The following SNX18 variants were observed in gnomAD, a reference collection of about 807,000 sequenced individuals.
SNX18 encodes the protein sorting nexin 18, also known as sorting nexin-18.
Under a neutral mutation model 48.7 loss-of-function variants are expected in SNX18, and 35 were observed. The observed-to-expected ratio is 0.72, with a 90% CI of 0.55 to 0.95. The LOEUF (loss-of-function observed/expected upper bound fraction) is 0.95, where lower values mean the gene tolerates loss of function less well. SNX18 is among the 40% of genes least tolerant of loss of function. The pLI, the probability that SNX18 is intolerant of heterozygous loss-of-function variation, is 0.00. For missense variants in SNX18, 824 were observed against 871.0 expected, an observed-to-expected ratio of 0.95 and a Z score of 0.68; for synonymous variants, 492 against 384.7, an observed-to-expected ratio of 1.28 and a Z score of -3.26.
Position 54,517,926 on chromosome 5 carries a change from G to T in SNX18, c.-27G>T, listed in dbSNP as rs1345786483. 2 of 1,487,230 alleles carry T rather than the reference G, an allele frequency of 1.3e-6. No homozygotes were observed. Among genetic ancestry groups the T allele is most frequent in the Non-Finnish European group, 1.8e-6 (2 of 1,123,402 alleles). 92.1% of individuals were successfully genotyped at this position (1,487,230 alleles called of 1,614,324 possible). A position where few individuals can be genotyped will look rare whatever the true frequency, so the allele number is the denominator to read the frequency against. On this transcript the variant is annotated 5_prime_UTR_variant, in exon 1 of 2. Coordinates refer to ENST00000381410, the MANE Select transcript of SNX18 (RefSeq NM_001102575.2). ...GCCTCGGCTCGGGACGCCGGGAGTCGGGACCGCCAGTCGGGGCGCCGGGAC... is the reference window on the plus strand; with the variant it reads ...GCCTCGGCTCGGGACGCCGGGAGTCTGGACCGCCAGTCGGGGCGCCGGGAC...
At chr5:54,621,017 A>G in the SNX18 span, among the ~76,000 whole-genome samples, 8 of 152,332 alleles carry the variant, frequency 5.3e-5, no homozygotes, top group African/African-American at 1.9e-4. Flanking sequence ...AGTTCAGTCC[A>G]TAACAGTTGG....
At chr5:54,556,409 C>T in the SNX18 span, among the ~76,000 whole-genome samples, 1 of 152,186 alleles carries the variant, frequency 6.6e-6, no homozygotes, top group East Asian at 1.9e-4. Flanking sequence ...GGCTCCCCTC[C>T]ATCTTTAAAG....
At chr5:54,530,744 A>ATTTTTTTTTTTTTTTTTTTTTTTTT (rs70986692) in intron 1 of SNX18, among the ~76,000 whole-genome samples, 2 of 72,520 alleles carry the variant, frequency 2.8e-5, no homozygotes, top group Admixed American at 2.1e-4. Flanking sequence ...AACCACAGAA[A>ATTTTTTTTTTTTTTTTTTTTTTTTT]TTTTTTTTTT....
At chr5:54,606,925 A>G in the SNX18 span, among the ~76,000 whole-genome samples, 1 of 152,106 alleles carries the variant, frequency 6.6e-6, no homozygotes, top group East Asian at 1.9e-4. Context: ...TTCCAACATC[A>G]CAAGGATCCC....
downstream of SNX18, among the ~76,000 whole-genome samples, chr5:54,547,097 T>C (rs1762588476): frequency 6.6e-6 from 1 of 152,232 alleles, no homozygotes; most frequent in Non-Finnish European, 1.5e-5. Context: ...ATGTTTTTTC[T>C]CCTGGCCTGC....
chr5:54,597,953 C>T, the SNX18 span, among the ~76,000 whole-genome samples: 1 of 151,992 alleles, frequency 6.6e-6, no homozygotes, highest in Non-Finnish European at 1.5e-5. Context: ...GATTCAGGAG[C>T]TGGTTTTTTG....
the SNX18 span, among the ~76,000 whole-genome samples, chr5:54,567,841 C>T: frequency 0.023 from 3,518 of 152,212 alleles, 147 homozygotes; most frequent in African/African-American, 0.081. Context: ...TGCTTAGTCT[C>T]TGGGGACTCC....
At chr5:54,564,595 G>A in the SNX18 span, among the ~76,000 whole-genome samples, 8 of 152,292 alleles carry the variant, frequency 5.3e-5, no homozygotes, top group South Asian at 2.1e-4. Flanking sequence ...AGTGGCTCAC[G>A]CCTGTAATCC....
Position 54,518,714 on chromosome 5 carries a change from C to T in SNX18, c.762C>T (p.Asp254=), listed in dbSNP as rs749075689. ...GGGAGGCGTCAGGCTTCGTGAAGGA[C>T]GGGGACAAGCTGTGCGTGGTGCTGG... ...VLGEASGFVK[D]GDKLCVVLGP... The change falls in exon 1 of 2, where the codon GAC becomes GAT. Residue 254 remains aspartate (D), a synonymous_variant. Transcript: ENST00000381410. 33 of 1,594,192 alleles carry T rather than the reference C, an allele frequency of 2.1e-5. No individual in the cohort carries two copies. The highest frequency in any genetic ancestry group is 2.7e-5 in the African/African-American group (2 of 74,256).
At chr5:54,631,633 A>G in the SNX18 span, among the ~76,000 whole-genome samples, 3 of 151,984 alleles carry the variant, frequency 2.0e-5, no homozygotes, top group Non-Finnish European at 2.9e-5. Context: ...TTGCCTCTCA[A>G]GAGGAGACTG....
chr5:54,541,293 C>T (rs1366218663), intron 1 of SNX18, among the ~76,000 whole-genome samples: 3 of 152,104 alleles, frequency 2.0e-5, no homozygotes, highest in Non-Finnish European at 4.4e-5. Flanking sequence ...TTCCCAAAGT[C>T]TTAGGATTAC....
At chr5:54,630,241 T>C in the SNX18 span, among the ~76,000 whole-genome samples, 1 of 152,108 alleles carries the variant, frequency 6.6e-6, no homozygotes, top group Non-Finnish European at 1.5e-5. Context: ...CTGGATCAGC[T>C]CTCTCTCCAA....
the SNX18 span, among the ~76,000 whole-genome samples, chr5:54,601,904 TA>T: frequency 6.6e-6 from 1 of 152,120 alleles, no homozygotes; most frequent in Non-Finnish European, 1.5e-5. Flanking sequence ...AAGGGCACAT[TA>T]GAAACCAGGA....
the SNX18 span, among the ~76,000 whole-genome samples, chr5:54,607,512 A>C: frequency 6.6e-6 from 1 of 152,230 alleles, no homozygotes; most frequent in South Asian, 2.1e-4. Flanking sequence ...ACAATAACAT[A>C]ATTCTTGGAT....
chr5:54,571,928 A>G, the SNX18 span, among the ~76,000 whole-genome samples: 1 of 152,160 alleles, frequency 6.6e-6, no homozygotes, highest in Admixed American at 6.5e-5. Context: ...GGCACCCCCT[A>G]CCATGTATCA....
At chr5:54,565,478 T>G in the SNX18 span, among the ~76,000 whole-genome samples, 4 of 151,778 alleles carry the variant, frequency 2.6e-5, no homozygotes, top group African/African-American at 9.7e-5. Context: ...GAGGTTGAGG[T>G]GGGAGGACCA....
the SNX18 span, among the ~76,000 whole-genome samples, chr5:54,621,544 C>T: frequency 9.5e-4 from 145 of 152,294 alleles, 1 homozygote; most frequent in African/African-American, 3.3e-3. Flanking sequence ...TCTACAGAGC[C>T]AGGGAGGAGA....
the SNX18 span, among the ~76,000 whole-genome samples, chr5:54,586,316 A>G: frequency 1.5e-4 from 23 of 152,208 alleles, no homozygotes; most frequent in African/African-American, 5.5e-4. Context: ...ACTAGCAACT[A>G]TTTACATCTG....
At chr5:54,577,039 G>C in the SNX18 span, among the ~76,000 whole-genome samples, 2 of 152,262 alleles carry the variant, frequency 1.3e-5, no homozygotes, top group South Asian at 4.1e-4. Context: ...GACCTCAGGT[G>C]ATCCACCCAC....
Sources: gnomAD v4.1 joint callset for allele counts (sites outside exome capture counted in the v4.1 genomes callset) on GRCh38, gnomAD v4.1.1 for gene constraint, MANE v1.5 for transcripts, NCBI Gene and HGNC (gene_info 2026-07-23, HGNC 2026-07-21) for gene names.